CAPS2: variants seen among roughly 807,000 people sequenced by gnomAD.
CAPS2 encodes the protein calcyphosin-2.
In CAPS2, 98 loss-of-function variants were observed where a neutral mutation model predicts 86.5. The ratio of observed to expected loss-of-function variants is 1.13; its 90% CI spans 0.96 to 1.34. The LOEUF (loss-of-function observed/expected upper bound fraction) is 1.34, where lower values mean the gene tolerates loss of function less well. Among genes scored for constraint, CAPS2 ranks in the 40% most tolerant of loss-of-function variants. The pLI, the probability that CAPS2 is intolerant of heterozygous loss-of-function variation, is 0.00. For missense variants in CAPS2, 729 were observed against 686.8 expected, an observed-to-expected ratio of 1.06 and a Z score of -0.69; for synonymous variants, 210 against 225.1, an observed-to-expected ratio of 0.93 and a Z score of 0.60.
At chr12:75,382,835 C>G (rs1485514452) in intron 1 of CAPS2, among the ~76,000 whole-genome samples, 1 of 151,966 alleles carries the variant, frequency 6.6e-6, no homozygotes, top group South Asian at 2.1e-4. Flanking sequence ...AATGGGTATG[C>G]AAAAAGTATA....
intron 4 of CAPS2, 123 bp from the exon 5 acceptor site, chr12:75,321,699 G>A (rs1447605227): frequency 4.3e-6 from 3 of 698,074 alleles, no homozygotes; most frequent in Non-Finnish European, 7.3e-6. Flanking sequence ...TATAGTCAAT[G>A]TTCTAAGCAG....
upstream of CAPS2, among the ~76,000 whole-genome samples, chr12:75,327,642 AT>A (rs2040911328): frequency 6.6e-6 from 1 of 151,708 alleles, no homozygotes; most frequent in South Asian, 2.1e-4. Context: ...TGTAATCCTG[AT>A]TTTTGCCATT....
intron 11 of CAPS2, among the ~76,000 whole-genome samples, chr12:75,294,735 T>C (rs2036587584): frequency 6.6e-6 from 1 of 152,162 alleles, no homozygotes; most frequent in African/African-American, 2.4e-5. Flanking sequence ...GACTAGTTAT[T>C]GTTTACACCA....
At chr12:75,316,653 C>T (rs982830572) in intron 5 of CAPS2, among the ~76,000 whole-genome samples, 3 of 151,860 alleles carry the variant, frequency 2.0e-5, no homozygotes, top group Non-Finnish European at 4.4e-5. Context: ...AGATAAAATG[C>T]GAATTAATAA....
At chr12:75,279,856 G>A (rs908765607) in intron 16 of CAPS2, among the ~76,000 whole-genome samples, 16 of 152,064 alleles carry the variant, frequency 1.1e-4, no homozygotes, top group African/African-American at 3.9e-4. Flanking sequence ...TGAAAACATA[G>A]ATTTTGGTAG....
In CAPS2 at chr12:75,298,812, T is replaced by G. The variant is rs1472371127; in HGVS notation, c.951-32A>C. On this transcript the variant is annotated intron_variant, in intron 10 of 16. Transcript: ENST00000393284. ...AGTAAATGAAAAAAAAATGGAAAGT[T>G]ATTTAGCTTCTCTCGGAAGTGAACA... 5 of 1,602,390 alleles carry G rather than the reference T, an allele frequency of 3.1e-6. No individual in the cohort carries two copies. The South Asian group carries it at 5.5e-5, about 18-fold the overall frequency.
At chr12:75,317,711 T>C (rs1035845850) in intron 5 of CAPS2, among the ~76,000 whole-genome samples, 2 of 152,196 alleles carry the variant, frequency 1.3e-5, no homozygotes, top group Admixed American at 1.3e-4. Context: ...AAATATGCAA[T>C]GTGTACAGTA....
upstream of CAPS2, chr12:75,329,799 C>A: frequency 1.3e-6 from 2 of 1,525,420 alleles, no homozygotes; most frequent in Non-Finnish European, 8.8e-7. Flanking sequence ...CATCACTCCC[C>A]CTGCTCCCAA....
intron 1 of CAPS2, among the ~76,000 whole-genome samples, chr12:75,370,826 A>T (rs2044312236): frequency 6.6e-6 from 1 of 152,354 alleles, no homozygotes; most frequent in East Asian, 1.9e-4. Context: ...ACATTTCTAC[A>T]AACCAGATAA....
chr12:75,282,626 A>T (rs897603301), intron 15 of CAPS2, among the ~76,000 whole-genome samples: 2 of 151,986 alleles, frequency 1.3e-5, no homozygotes, highest in African/African-American at 4.8e-5. Flanking sequence ...ACCTCAGGTG[A>T]CCCACCCGCC....
chr12:75,276,124 C>A, downstream of CAPS2: 2 of 1,389,094 alleles, frequency 1.4e-6, no homozygotes, highest in African/African-American at 1.5e-5. Context: ...CCATGTCCAC[C>A]CTGCAGATTG....
At chr12:75,379,853 TAAAA>T (rs35309353) in intron 1 of CAPS2, among the ~76,000 whole-genome samples, 2 of 111,912 alleles carry the variant, frequency 1.8e-5, no homozygotes, top group Non-Finnish European at 3.7e-5. Context: ...TCCCTATCAG[TAAAA>T]AAAAAAAAAA....
intron 7 of CAPS2, 123 bp downstream of exon 7, chr12:75,312,725 G>A (rs2039358329): frequency 3.3e-6 from 2 of 600,850 alleles, no homozygotes; most frequent in Non-Finnish European, 5.9e-6. Flanking sequence ...AGTAAACAGA[G>A]AAAGTTTGGG....
chr12:75,351,972 C>T (rs1256423667), intron 1 of CAPS2, among the ~76,000 whole-genome samples: 1 of 152,128 alleles, frequency 6.6e-6, no homozygotes, highest in Admixed American at 6.6e-5. Flanking sequence ...AATTCATCAC[C>T]ACCAGGCCTG....
At chr12:75,321,553 A>C (rs1206703925) in exon 5 of CAPS2, 1 of 1,547,098 alleles carries the variant, frequency 6.5e-7, no homozygotes, top group Non-Finnish European at 8.7e-7. Flanking sequence ...GTGCTGGCAA[A>C]TTTTCAGGTA....
chr12:75,308,803 A>G lies in CAPS2; in HGVS notation c.660-3927T>C, dbSNP rs138589620. 2.1e-3 allele frequency among the ~76,000 whole-genome samples: 323 copies of G among 151,718 alleles called. 2 individuals are homozygous for G. The highest frequency in any genetic ancestry group is 6.0e-3 in the African/African-American group (246 of 41,268). On this transcript the variant is annotated intron_variant, in intron 7 of 16. Coordinates refer to ENST00000393284, the Ensembl canonical transcript of CAPS2. The stretch of plus-strand genomic sequence containing the variant: ...GATAAGAAGCAGAGGTTCAGCAGCC[A>G]AAACAAAAGTGAGATTAAAAAAAAT...
At chr12:75,299,036 G>T in intron 9 of CAPS2, 70 bp from the exon 10 acceptor site, 2 of 998,184 alleles carry the variant, frequency 2.0e-6, no homozygotes, top group Non-Finnish European at 3.0e-6. Context: ...TAAAAAACAT[G>T]TTCATCTCAA....
intron 9 of CAPS2, among the ~76,000 whole-genome samples, chr12:75,299,235 T>C (rs2037412080): frequency 6.6e-6 from 1 of 152,184 alleles, no homozygotes; most frequent in African/African-American, 2.4e-5. Flanking sequence ...AACATAGACT[T>C]TTAAGACAAT....
At chr12:75,278,624 C>A in exon 17 of CAPS2, 1 of 1,119,834 alleles carries the variant, frequency 8.9e-7, no homozygotes, top group South Asian at 4.4e-5. Context: ...AAGTAATAAA[C>A]CAAAAAGATA....
Sources: allele counts gnomAD v4.1 joint callset (sites outside exome capture counted in the v4.1 genomes callset), GRCh38; gene constraint gnomAD v4.1.1; transcripts MANE v1.5; gene names NCBI Gene and HGNC (gene_info 2026-07-23, HGNC 2026-07-21).